The following POU2F1 variants were observed in gnomAD, a reference collection of about 807,000 sequenced individuals.
The protein encoded by POU2F1 is POU domain, class 2, transcription factor 1.
A neutral mutation model predicts 84.9 loss-of-function variants in POU2F1; 16 were observed. The observed-to-expected ratio is 0.19, with a 90% CI of 0.13 to 0.29. The LOEUF is 0.29. Ranked by LOEUF, POU2F1 falls within the 10% of genes least tolerant of loss-of-function variation. The probability of loss-of-function intolerance (pLI) is 1.00; values close to 1 mark genes in which losing one functional copy is unlikely to be tolerated. For missense variants in POU2F1, 738 were observed against 942.6 expected (o/e 0.78, Z 2.84); for synonymous variants, 368 against 368.3 (o/e 1.00, Z 0.01).
At position 167,351,917 on chromosome 1, in the gene POU2F1, T is replaced by G. The variant is rs140094876; in HGVS notation, c.128-13550T>G. 2.6e-5 allele frequency among the ~76,000 whole-genome samples: 4 copies of G among 152,334 alleles called. No individual in the cohort carries two copies. The East Asian group carries it at 5.8e-4, about 22-fold the overall frequency. ...AATGTTCATAGGATATAGATTTCCA[T>G]TCTCATTTGTGGAAAAATGACAACA... On this transcript the variant is annotated intron_variant, in intron 2 of 15. Transcript: ENST00000367866.
intron 1 of POU2F1, among the ~76,000 whole-genome samples, chr1:167,232,219 G>A (rs1195436514): frequency 1.3e-5 from 2 of 152,166 alleles, no homozygotes; most frequent in Non-Finnish European, 2.9e-5. Flanking sequence ...CATTTTGTTC[G>A]AGGGTCAGCT....
intron 1 of POU2F1, among the ~76,000 whole-genome samples, chr1:167,237,338 A>C (rs1025670567): frequency 6.6e-6 from 1 of 152,222 alleles, no homozygotes. Context: ...TGTTGCATGC[A>C]TAAGTTTTTG....
intron 9 of POU2F1, 21 bp downstream of exon 9, chr1:167,389,782 A>G (rs1648258045): frequency 1.2e-6 from 2 of 1,607,098 alleles, no homozygotes; most frequent in East Asian, 4.5e-5. Flanking sequence ...TTGGCCTTAC[A>G]TTGATTCCCC....
chr1:167,392,196 C>G (rs148594920), intron 9 of POU2F1, among the ~76,000 whole-genome samples: 11 of 151,826 alleles, frequency 7.2e-5, no homozygotes, highest in African/African-American at 2.4e-4. Flanking sequence ...CTAAAAAATA[C>G]AAAAATTAGC....
At chr1:167,277,830 C>T (rs1652845588) in intron 1 of POU2F1, among the ~76,000 whole-genome samples, 1 of 152,128 alleles carries the variant, frequency 6.6e-6, no homozygotes, top group Non-Finnish European at 1.5e-5. Flanking sequence ...CCTAATACCC[C>T]CTCTCCCTCA....
At chr1:167,342,826 A>G (rs991458534) in intron 2 of POU2F1, among the ~76,000 whole-genome samples, 1 of 152,178 alleles carries the variant, frequency 6.6e-6, no homozygotes, top group South Asian at 2.1e-4. Flanking sequence ...TGTGTAGACT[A>G]CATTCTGCCC....
At chr1:167,226,857 G>A (rs984072668) in intron 1 of POU2F1, among the ~76,000 whole-genome samples, 1 of 152,140 alleles carries the variant, frequency 6.6e-6, no homozygotes, top group Admixed American at 6.5e-5. Flanking sequence ...AGATTTCAGT[G>A]TTGCCTACAT....
chr1:167,310,321 A>G (rs1270895632), intron 1 of POU2F1, among the ~76,000 whole-genome samples: 1 of 152,082 alleles, frequency 6.6e-6, no homozygotes, highest in African/African-American at 2.4e-5. Flanking sequence ...GGCCAAATAT[A>G]TCAGTAATCA....
chr1:167,399,144 T>C (rs1649017340), intron 11 of POU2F1, 42 bp from the exon 12 acceptor site: 1 of 1,547,516 alleles, frequency 6.5e-7, no homozygotes, highest in African/African-American at 1.4e-5. Flanking sequence ...AAAAAGTTAT[T>C]GCAAAGGATA....
intron 2 of POU2F1, among the ~76,000 whole-genome samples, chr1:167,341,309 T>C (rs1393570745): frequency 6.6e-6 from 1 of 152,184 alleles, no homozygotes; most frequent in Non-Finnish European, 1.5e-5. Flanking sequence ...TAAATGTTAA[T>C]ATATTTAATC....
intron 2 of POU2F1, among the ~76,000 whole-genome samples, chr1:167,345,739 T>C (rs1658149252): frequency 6.6e-6 from 1 of 152,218 alleles, no homozygotes; most frequent in Non-Finnish European, 1.5e-5. Context: ...TTTAGGATAT[T>C]AAAATAAGGT....
intron 1 of POU2F1, among the ~76,000 whole-genome samples, chr1:167,251,937 C>G (rs1004884385): frequency 6.6e-6 from 1 of 151,222 alleles, no homozygotes; most frequent in Admixed American, 6.6e-5. Context: ...CTCTGCCTCC[C>G]AGGTTCAAGC....
chr1:167,279,333 A>G (rs562295878), intron 1 of POU2F1, among the ~76,000 whole-genome samples: 1 of 152,366 alleles, frequency 6.6e-6, no homozygotes, highest in Admixed American at 6.5e-5. Flanking sequence ...ATCAAAAGTA[A>G]GTTTATGAAA....
chr1:167,278,815 T>TTTAATAAAATTCTATTAAAA (rs1347215351), intron 1 of POU2F1, among the ~76,000 whole-genome samples: 1 of 152,196 alleles, frequency 6.6e-6, no homozygotes, highest in Admixed American at 6.5e-5. Flanking sequence ...TTTAATAGAA[T>TTTAATAAAATTCTATTAAAA]TTAATAAAAT....
chr1:167,373,164 G>A (rs888931149), intron 5 of POU2F1, among the ~76,000 whole-genome samples: 4 of 152,270 alleles, frequency 2.6e-5, no homozygotes, highest in African/African-American at 9.6e-5. Context: ...TGCACAAATT[G>A]TGTTTGATTC....
At chr1:167,367,127 G>A (rs903315492) in intron 3 of POU2F1, among the ~76,000 whole-genome samples, 2 of 151,902 alleles carry the variant, frequency 1.3e-5, no homozygotes, top group African/African-American at 2.4e-5. Context: ...TTGAAATTGC[G>A]ACACCATTGA....
At chr1:167,343,207 A>G (rs1457381659) in intron 2 of POU2F1, among the ~76,000 whole-genome samples, 2 of 152,210 alleles carry the variant, frequency 1.3e-5, no homozygotes, top group African/African-American at 4.8e-5. Context: ...CTGTGCGAAT[A>G]GGAAGTGACA....
chr1:167,312,216 G>C (rs1268444432), intron 1 of POU2F1, among the ~76,000 whole-genome samples: 1 of 149,206 alleles, frequency 6.7e-6, no homozygotes, highest in African/African-American at 2.5e-5. Flanking sequence ...GATTACAGGC[G>C]TGAGCCACCG....
In POU2F1 at chr1:167,418,873, G is replaced by A. The variant is rs1336042782; in HGVS notation, c.*3063G>A. ...ACCAGCATAAAAAATCTGTTTAAAA[G>A]AAGAAATAATCTTTAGGAAAAGATA... On this transcript the variant is annotated 3_prime_UTR_variant, in exon 16 of 16. Transcript: ENST00000367866. 2.0e-5 allele frequency: 3 copies of A among 152,066 alleles called. No homozygotes were observed. The highest frequency in any genetic ancestry group is 7.2e-5 in the African/African-American group (3 of 41,392). The allele number at this position is 152,066 out of a possible 1,614,324, so 9.4% of individuals were successfully genotyped here. A position where few individuals can be genotyped will look rare whatever the true frequency, so the allele number is the denominator to read the frequency against.
Sources: allele counts gnomAD v4.1 joint callset (sites outside exome capture counted in the v4.1 genomes callset), GRCh38; gene constraint gnomAD v4.1.1; transcripts MANE v1.5; gene names NCBI Gene and HGNC (gene_info 2026-07-23, HGNC 2026-07-21).